Variants in CIC observed in about 807,000 individuals in gnomAD.
CIC encodes the protein protein capicua homolog.
Under a neutral mutation model 115.7 loss-of-function variants are expected in CIC, and 18 were observed. The ratio of observed to expected loss-of-function variants is 0.16; its 90% confidence interval spans 0.11 to 0.23. The LOEUF (loss-of-function observed/expected upper bound fraction) is 0.23, where lower values mean the gene tolerates loss of function less well. CIC is among the 10% of genes least tolerant of loss of function. The probability of loss-of-function intolerance (pLI) is 1.00; values close to 1 mark genes in which losing one functional copy is unlikely to be tolerated. For missense variants in CIC, 2,000 were observed against 2,159.3 expected (o/e 0.93, Z 1.46); for synonymous variants, 1,076 against 923.0 (o/e 1.17, Z -3.01).
rs749103885 is a variant in CIC at position 42,290,316 on chromosome 19, G to A, written c.4275G>A (p.Gly1425=). 1.2e-6 allele frequency: 2 copies of A among 1,613,976 alleles called. No homozygotes were observed. Among genetic ancestry groups the A allele is most frequent in the South Asian group, 2.2e-5 (2 of 91,086 alleles). Residue 1425 remains glycine (G), a synonymous_variant, in exon 11 of 21, where the codon GGG becomes GGA. Coordinates refer to ENST00000681038, the MANE Select transcript of CIC (RefSeq NM_001386298.1). ...CRPPLDPEPP[G]PPDPPVAFGK... ...CCCCACTGGACCCTGAGCCCCCAGG[G>A]CCCCCGGATCCTCCTGTAGCCTTTG...
In CIC at chr19:42,289,102, A is replaced by G. The variant is rs765158553; in HGVS notation, c.3861+12A>G. On this transcript the variant is annotated intron_variant, in intron 8 of 20. Transcript: ENST00000681038. ...AGGAACTGACGCAGGTCTAGGGTGC[A>G]GGCCCCCTAGTGGGGGTGGGCAGGG... is the stretch of plus-strand genomic sequence containing the variant. 1.9e-6 allele frequency: 3 copies of G among 1,613,404 alleles called. No homozygotes were observed. The Admixed American group carries it at 5.0e-5, about 27-fold the overall frequency.
At position 42,292,212 on chromosome 19, in the gene CIC, T is replaced by C; in HGVS notation, c.5735+5T>C. On this transcript the variant is annotated splice_donor_5th_base_variant and intron_variant, in intron 13 of 20. Transcript: ENST00000681038. The stretch of plus-strand genomic sequence containing the variant: ...CCTGTTGCCCTCCTCCACCAGGTAA[T>C]TGCAGCTGAGCCCATACTCAGAGGC... The C allele has an allele frequency of 6.2e-7, 1 of 1,613,962 alleles. No homozygotes were observed. The highest frequency in any genetic ancestry group is 1.1e-5 in the South Asian group (1 of 91,090).
chr19:42,277,054 C>T (rs915730824), intron 2 of CIC, among the ~76,000 whole-genome samples: 1 of 152,166 alleles, frequency 6.6e-6, no homozygotes, highest in Non-Finnish European at 1.5e-5. Flanking sequence ...AATAACTCAC[C>T]GAGCAGCACT....
chr19:42,292,485 G>A lies in CIC; in HGVS notation c.5902+19G>A. The A allele has an allele frequency of 6.2e-7, 1 of 1,611,150 alleles. No individual in the cohort carries two copies. Among genetic ancestry groups the A allele is most frequent in the Non-Finnish European group, 8.5e-7 (1 of 1,179,080 alleles). On this transcript the variant is annotated intron_variant, in intron 14 of 20. Transcript: ENST00000681038. ...CTCTCAGGTGAGGGGCGGCCTGGCA[G>A]GCAGTGCTGGGGACCCAGGGTGGGG...
chr19:42,283,883 G>C (rs2037390380), intron 2 of CIC: 1 of 151,630 alleles, frequency 6.6e-6, no homozygotes, highest in African/African-American at 2.4e-5. Context: ...ATTTGCATAT[G>C]ACTGACGTTC....
chr19:42,274,561 G>A lies in CIC; in HGVS notation c.2778G>A (p.Met926Ile), dbSNP rs1368652023. Reference protein sequence around the residue: ...SHPAPKKEVIMGRPGTVWTNV... With the variant: ...SHPAPKKEVIIGRPGTVWTNV... ...CTGCCCCCAAGAAGGAAGTCATCAT[G>A]GGCCGGCCTGGAACAGGTAAGAGGT... The change falls in exon 2 of 21, where the codon ATG (methionine) becomes ATA (isoleucine). Residue 926 changes from methionine (M) to isoleucine (I), a missense_variant. Around this residue, in one of 8 missense-constraint regions of CIC, gnomAD observed 222 missense variants for 247.7 expected, o/e 0.90. Transcript: ENST00000681038. 2.5e-6 allele frequency: 1 copy of A among 398,684 alleles called. No individual in the cohort carries two copies. Among genetic ancestry groups the A allele is most frequent in the Non-Finnish European group, 4.4e-6 (1 of 226,192 alleles). 24.7% of individuals were successfully genotyped at this position (398,684 alleles called of 1,614,324 possible). A position where few individuals can be genotyped will look rare whatever the true frequency, so the allele number is the denominator to read the frequency against.
At chr19:42,290,011 T>C in intron 10 of CIC, 60 bp downstream of exon 10, 2 of 1,480,884 alleles carry the variant, frequency 1.4e-6, no homozygotes, top group Non-Finnish European at 1.9e-6. Flanking sequence ...TGGGAATGTC[T>C]GTTTCTCCCG....
chr19:42,268,994 C>T (rs1355969814), upstream of CIC, among the ~76,000 whole-genome samples: 1 of 152,162 alleles, frequency 6.6e-6, no homozygotes, highest in African/African-American at 2.4e-5. Context: ...GTGTCCTTCA[C>T]TTGTTGTAGG....
At chr19:42,291,970 C>T in intron 12 of CIC, 116 bp from the exon 13 acceptor site, 1 of 1,496,144 alleles carries the variant, frequency 6.7e-7, no homozygotes, top group Non-Finnish European at 9.3e-7. Context: ...ATCCTGTTCT[C>T]ACCCCAAGTT....
In CIC at chr19:42,271,920, A is replaced by C. The variant is rs1478075540; in HGVS notation, c.137A>C (p.Glu46Ala). The C allele has an allele frequency of 2.5e-6, 1 of 398,882 alleles. No homozygotes were observed. The highest frequency in any genetic ancestry group is 4.4e-6 in the Non-Finnish European group (1 of 226,406). 24.7% of individuals were successfully genotyped at this position (398,882 alleles called of 1,614,324 possible). The part of the protein sequence containing the change: ...EGDKPEEEDD[E>A]AQQPQPQSGP... ...GACAAGCCAGAGGAGGAGGATGACG[A>C]GGCACAGCAGCCGCAACCACAGTCC... is the stretch of plus-strand genomic sequence containing the variant. The change falls in exon 2 of 21, where the codon GAG becomes GCG. Residue 46 changes from glutamate to alanine, a missense_variant. This residue lies in a region of CIC where 222 missense variants were observed against 247.7 expected (regional missense o/e 0.90). Coordinates refer to ENST00000681038, the MANE Select transcript of CIC (RefSeq NM_001386298.1).
intron 14 of CIC, 23 bp downstream of exon 14, chr19:42,292,489 G>A: frequency 1.2e-6 from 2 of 1,611,356 alleles, no homozygotes; most frequent in East Asian, 2.2e-5. Flanking sequence ...CTGGCAGGCA[G>A]TGCTGGGGAC....
At position 42,292,288 on chromosome 19, in the gene CIC, C is replaced by T. The variant is rs772940379; in HGVS notation, c.5736-12C>T. The T allele has an allele frequency of 6.2e-7, 1 of 1,613,420 alleles. No individual in the cohort carries two copies. Among genetic ancestry groups the T allele is most frequent in the East Asian group, 2.2e-5 (1 of 44,884 alleles). ...CTTACCTCACTCCTCCCCATTTCCT[C>T]TCCTGCGGCAGAATCACCTATGTGC... On this transcript the variant is annotated splice_polypyrimidine_tract_variant and intron_variant, in intron 13 of 20. Transcript: ENST00000681038.
chr19:42,294,459 T>C, intron 19 of CIC, 145 bp from the exon 20 acceptor site: 1 of 1,535,212 alleles, frequency 6.5e-7, no homozygotes, highest in Non-Finnish European at 8.9e-7. Flanking sequence ...GGCAGGCCCC[T>C]AGGTTGCCCT....
chr19:42,284,406 C>G (rs2037450014), intron 2 of CIC: 1 of 145,728 alleles, frequency 6.9e-6, no homozygotes, highest in Admixed American at 6.8e-5. Flanking sequence ...GCCGATGGCC[C>G]CCGTGCCGCG....
intron 10 of CIC, 74 bp from the exon 11 acceptor site, chr19:42,290,159 T>C: frequency 6.2e-7 from 1 of 1,600,564 alleles, no homozygotes; most frequent in Admixed American, 1.7e-5. Flanking sequence ...ACAGGCTGGA[T>C]GGGCATGGCT....
intron 2 of CIC, among the ~76,000 whole-genome samples, chr19:42,276,924 G>C (rs2037002261): frequency 6.6e-6 from 1 of 152,176 alleles, no homozygotes; most frequent in Non-Finnish European, 1.5e-5. Flanking sequence ...GAAAAGTGAG[G>C]CCCTGACAAA....
Position 42,294,946 on chromosome 19 carries a change from C to T in CIC, c.7309C>T (p.Pro2437Ser), listed in dbSNP as rs199626540. 1.2e-6 allele frequency: 2 copies of T among 1,600,424 alleles called. No homozygotes were observed. The highest frequency in any genetic ancestry group is 1.7e-6 in the Non-Finnish European group (2 of 1,179,912). Residue 2437 changes from proline (P) to serine (S), a missense_variant, in exon 21 of 21, where the codon CCC becomes TCC. Around this residue, in one of 8 missense-constraint regions of CIC, gnomAD observed 133 missense variants for 116.0 expected, o/e 1.15. Transcript: ENST00000681038. Reference protein sequence around the residue: ...IMQAATPTEQPPGAEAPLPVP... With the variant: ...IMQAATPTEQSPGAEAPLPVP... ...GCAGGCTGCCACTCCCACGGAGCAG[C>T]CCCCTGGAGCTGAGGCTCCTCTCCC...
rs765762729 is a variant in CIC at position 42,291,480 on chromosome 19, C to A, written c.5425+14C>A. The A allele has an allele frequency of 6.2e-7, 1 of 1,613,128 alleles. No individual in the cohort carries two copies. Among genetic ancestry groups the A allele is most frequent in the South Asian group, 1.1e-5 (1 of 91,078 alleles). On this transcript the variant is annotated intron_variant, in intron 11 of 20. Coordinates refer to ENST00000681038, the MANE Select transcript of CIC (RefSeq NM_001386298.1). ...CACCCCCCAAAGGTGAGACCTGGGC[C>A]GGGCAGCACTAGGGGAGGGGCCATA...
At chr19:42,290,054 A>G in intron 10 of CIC, 103 bp downstream of exon 10, 1 of 1,383,838 alleles carries the variant, frequency 7.2e-7, no homozygotes, top group Non-Finnish European at 1.0e-6. Flanking sequence ...AGGTCCAGAG[A>G]GGGCAAGCTG....
Sources: allele counts gnomAD v4.1 joint callset (sites outside exome capture counted in the v4.1 genomes callset), GRCh38; gene constraint gnomAD v4.1.1; regional missense constraint gnomAD v4.1.1; transcripts MANE v1.5; gene names NCBI Gene and HGNC (gene_info 2026-07-23, HGNC 2026-07-21).